The following BNC2 variants were observed in gnomAD, a reference collection of about 807,000 sequenced individuals.
BNC2 encodes zinc finger protein basonuclin-2.
Under a neutral mutation model 76.3 loss-of-function variants are expected in BNC2, and 20 were observed. The ratio of observed to expected loss-of-function variants is 0.26; its 90% confidence interval spans 0.18 to 0.38. The LOEUF is 0.38. Among genes scored for constraint, BNC2 ranks in the 10% least tolerant of loss-of-function variants. The pLI, the probability that BNC2 is intolerant of heterozygous loss-of-function variation, is 1.00. For synonymous variants in BNC2, 582 were observed against 514.8 expected, an observed-to-expected ratio of 1.13 and a Z score of -1.77; for missense variants, 1,382 against 1,399.8, an observed-to-expected ratio of 0.99 and a Z score of 0.20.
chr9:16,431,956 G>A (rs1360599969), intron 6 of BNC2, among the ~76,000 whole-genome samples: 1 of 152,180 alleles, frequency 6.6e-6, no homozygotes, highest in Non-Finnish European at 1.5e-5. Flanking sequence ...TGTGCAGCCT[G>A]GTTCCTAACA....
At chr9:16,517,328 T>G (rs140763103) in intron 5 of BNC2, among the ~76,000 whole-genome samples, 1 of 152,292 alleles carries the variant, frequency 6.6e-6, no homozygotes, top group African/African-American at 2.4e-5. Flanking sequence ...TAGTCAATCT[T>G]AACAGACTGA....
chr9:16,552,813 G>C lies in BNC2; in HGVS notation c.434-48C>G, dbSNP rs1236806641. The C allele has an allele frequency of 6.2e-6, 9 of 1,445,600 alleles. No homozygotes were observed. The African/African-American group carries it at 1.3e-4, about 20-fold the overall frequency. The allele number at this position is 1,445,600 out of a possible 1,614,324, so 89.5% of individuals were successfully genotyped here. A position where few individuals can be genotyped will look rare whatever the true frequency, so the allele number is the denominator to read the frequency against. On this transcript the variant is annotated intron_variant, in intron 4 of 6. Coordinates refer to ENST00000380672, the MANE Select transcript of BNC2 (RefSeq NM_017637.6). The stretch of plus-strand genomic sequence containing the variant: ...CCAGAGATGGGGGTGTTGGGAATAA[G>C]ATAAAGAGAGAGAACAGGAGTTAGA...
At chr9:16,827,047 G>C (rs1305986000) in intron 1 of BNC2, among the ~76,000 whole-genome samples, 1 of 152,160 alleles carries the variant, frequency 6.6e-6, no homozygotes, top group East Asian at 1.9e-4. Flanking sequence ...TATGATTTAA[G>C]CGATGTTACC....
At chr9:16,792,415 A>T (rs943619623) in intron 1 of BNC2, among the ~76,000 whole-genome samples, 1 of 152,206 alleles carries the variant, frequency 6.6e-6, no homozygotes, top group Non-Finnish European at 1.5e-5. Flanking sequence ...ACAGTCATTG[A>T]GAAGGGTATA....
intron 3 of BNC2, among the ~76,000 whole-genome samples, chr9:16,623,208 G>A (rs1417660203): frequency 4.6e-5 from 7 of 152,014 alleles, no homozygotes; most frequent in African/African-American, 7.2e-5. Context: ...TCCAGTAAAC[G>A]AGACACAAAG....
At chr9:16,421,265 G>A (rs1587007958) in intron 6 of BNC2, 1 of 1,300,500 alleles carries the variant, frequency 7.7e-7, no homozygotes. Flanking sequence ...AGCTTACCTT[G>A]TGACAATAAG....
chr9:16,567,411 G>A (rs781048070), intron 4 of BNC2, among the ~76,000 whole-genome samples: 2 of 152,100 alleles, frequency 1.3e-5, no homozygotes, highest in African/African-American at 2.4e-5. Flanking sequence ...AATAGTGCTG[G>A]GGGTGGGTGA....
At chr9:16,763,307 C>T (rs766175640) in intron 1 of BNC2, among the ~76,000 whole-genome samples, 3 of 152,118 alleles carry the variant, frequency 2.0e-5, no homozygotes, top group South Asian at 2.1e-4. Flanking sequence ...TGGTGGCTCA[C>T]ACGTATATTC....
intron 3 of BNC2, among the ~76,000 whole-genome samples, chr9:16,662,714 T>C (rs1223966711): frequency 6.6e-6 from 1 of 152,012 alleles, no homozygotes; most frequent in Non-Finnish European, 1.5e-5. Flanking sequence ...CCAGCCTGGG[T>C]GACAGAGTGA....
chr9:16,454,192 G>A (rs978313976), intron 5 of BNC2, among the ~76,000 whole-genome samples: 15 of 152,140 alleles, frequency 9.9e-5, no homozygotes, highest in African/African-American at 3.6e-4. Flanking sequence ...TGTAATCTCA[G>A]ATAATCCCTT....
intron 1 of BNC2, among the ~76,000 whole-genome samples, chr9:16,756,916 G>A (rs13299347): frequency 0.45 from 67,950 of 151,306 alleles, 20,493 homozygotes; most frequent in Non-Finnish European, 0.67. Flanking sequence ...GCCTGAACCC[G>A]GGAGGTGGAG....
chr9:16,418,875 A>ATG lies in BNC2; in HGVS notation c.*113_*114insCA. 1 of 719,336 alleles carries ATG rather than the reference A, an allele frequency of 1.4e-6. No individual in the cohort carries two copies. Among genetic ancestry groups the ATG allele is most frequent in the Non-Finnish European group, 2.2e-6 (1 of 456,750 alleles). The allele number at this position is 719,336 out of a possible 1,614,324, so 44.6% of individuals were successfully genotyped here. A position where few individuals can be genotyped will look rare whatever the true frequency, so the allele number is the denominator to read the frequency against. ...GTAGCCACAGAGCATACATAAATGC[A>ATG]CACACACACACACACACACACACAC... On this transcript the variant is annotated 3_prime_UTR_variant, in exon 7 of 7. Coordinates refer to ENST00000380672, the MANE Select transcript of BNC2 (RefSeq NM_017637.6).
chr9:16,833,437 GA>G lies in BNC2; in HGVS notation c.3+37208del, dbSNP rs1278019105. Among the ~76,000 whole-genome samples, 7 of 152,002 alleles carry G rather than the reference GA, an allele frequency of 4.6e-5. No homozygotes were observed. In the South Asian group the frequency reaches 1.2e-3, roughly 27 times the overall value. Reference sequence around the variant, plus strand: ...AGCAATGAAATGCCAAGAAGGAAGAGAAAAAAAACTAGCTTGGGAAGCCAAG... The same window carrying G: ...AGCAATGAAATGCCAAGAAGGAAGAGAAAAAAACTAGCTTGGGAAGCCAAG... On this transcript the variant is annotated intron_variant, in intron 1 of 6. Transcript: ENST00000380672.
At position 16,773,499 on chromosome 9, in the gene BNC2, C is replaced by G. The variant is rs111591335; in HGVS notation, c.4-35014G>C. On this transcript the variant is annotated intron_variant, in intron 1 of 6. Transcript: ENST00000380672. ...TTGCTGACAAGAAAAGAGGACTACACGTCATGCAATCAGAAAAAAAAAAAA... is the reference window on the plus strand; with the variant it reads ...TTGCTGACAAGAAAAGAGGACTACAGGTCATGCAATCAGAAAAAAAAAAAA... Among the ~76,000 whole-genome samples the G allele has an allele frequency of 1.9e-3, 258 of 137,226 alleles. 1 individual carries two copies. Among genetic ancestry groups the G allele is most frequent in the African/African-American group, 6.6e-3 (249 of 37,624 alleles). 90.0% of individuals were successfully genotyped at this position (137,226 alleles called of 152,430 possible).
chr9:16,813,743 A>G (rs1331273557), intron 1 of BNC2, among the ~76,000 whole-genome samples: 1 of 152,216 alleles, frequency 6.6e-6, no homozygotes, highest in Non-Finnish European at 1.5e-5. Flanking sequence ...GAATTGTAGA[A>G]GAGGAGGTAT....
At chr9:16,615,179 G>A (rs1226592959) in intron 3 of BNC2, among the ~76,000 whole-genome samples, 1 of 151,994 alleles carries the variant, frequency 6.6e-6, no homozygotes, top group Non-Finnish European at 1.5e-5. Flanking sequence ...GCAGCTCATA[G>A]GTAATTTAGC....
intron 3 of BNC2, among the ~76,000 whole-genome samples, chr9:16,614,918 T>C (rs892765111): frequency 6.8e-6 from 1 of 146,318 alleles, no homozygotes; most frequent in African/African-American, 2.6e-5. Flanking sequence ...ATCGGGCCAC[T>C]GTATTCCAGC....
At position 16,413,992 on chromosome 9, in the gene BNC2, T is replaced by C. The variant is rs1377977971; in HGVS notation, c.*4997A>G. On this transcript the variant is annotated 3_prime_UTR_variant, in exon 7 of 7. Transcript: ENST00000380672. ...AAACGAGGTGTTACCACTGGCCTTTTCTATAGCCTTGCTGACCCCTGGCAT... is the reference window on the plus strand; with the variant it reads ...AAACGAGGTGTTACCACTGGCCTTTCCTATAGCCTTGCTGACCCCTGGCAT... 6.6e-6 allele frequency: 1 copy of C among 152,176 alleles called. No homozygotes were observed. The highest frequency in any genetic ancestry group is 1.5e-5 in the Non-Finnish European group (1 of 68,036). 9.4% of individuals were successfully genotyped at this position (152,176 alleles called of 1,614,324 possible). A position where few individuals can be genotyped will look rare whatever the true frequency, so the allele number is the denominator to read the frequency against.
At chr9:16,807,769 G>C (rs1407614996) in intron 1 of BNC2, among the ~76,000 whole-genome samples, 1 of 152,120 alleles carries the variant, frequency 6.6e-6, no homozygotes, top group Non-Finnish European at 1.5e-5. Flanking sequence ...AAAAATTCCA[G>C]TTAGAAAGTG....
Sources: allele counts gnomAD v4.1 joint callset (sites outside exome capture counted in the v4.1 genomes callset), GRCh38; gene constraint gnomAD v4.1.1; transcripts MANE v1.5; gene names NCBI Gene and HGNC (gene_info 2026-07-23, HGNC 2026-07-21).